Variants in RBFOX1 observed in about 807,000 individuals in gnomAD.
RBFOX1 encodes the protein RNA binding fox-1 homolog 1, also known as RNA binding protein fox-1 homolog 1.
Under a neutral mutation model 57.7 loss-of-function variants are expected in RBFOX1, and 8 were observed. The ratio of observed to expected loss-of-function variants is 0.14; its 90% confidence interval spans 0.08 to 0.25. The LOEUF is 0.25. Ranked by LOEUF, RBFOX1 falls within the 10% of genes least tolerant of loss-of-function variation. The pLI is 1.00. For synonymous variants in RBFOX1, 326 were observed against 222.4 expected (o/e 1.47, Z -4.15); for missense variants, 611 against 548.5 (o/e 1.11, Z -1.14).
intron 3 of RBFOX1, among the ~76,000 whole-genome samples, chr16:7,034,853 T>TTTTTTTTTTTTTA (rs2043911918): frequency 3.1e-5 from 2 of 65,280 alleles, no homozygotes; most frequent in African/African-American, 1.5e-4. Flanking sequence ...TTTTTCTTTT[T>TTTTTTTTTTTTTA]TTTTTTTTTT....
chr16:6,826,036 C>T (rs1308397687), intron 3 of RBFOX1, among the ~76,000 whole-genome samples: 2 of 152,162 alleles, frequency 1.3e-5, no homozygotes, highest in Admixed American at 6.6e-5. Context: ...TGGTGATGTG[C>T]AGAGGTGGTC....
intron 1 of RBFOX1, among the ~76,000 whole-genome samples, chr16:5,461,496 C>T (rs897117758): frequency 6.6e-6 from 1 of 152,178 alleles, no homozygotes; most frequent in Admixed American, 6.5e-5. Context: ...CAGCTGCAAC[C>T]AACCAGGCTC....
At chr16:6,191,666 G>A (rs1350716452) in intron 1 of RBFOX1, among the ~76,000 whole-genome samples, 1 of 152,070 alleles carries the variant, frequency 6.6e-6, no homozygotes. Flanking sequence ...GGTCCAAAAG[G>A]CAATTTCTGT....
In RBFOX1 at chr16:7,338,280, G is replaced by A. The variant is rs1055516753; in HGVS notation, c.28-179867G>A. Among the ~76,000 whole-genome samples, 6 of 151,360 alleles carry A rather than the reference G, an allele frequency of 4.0e-5. No individual in the cohort carries two copies. The East Asian group carries it at 9.8e-4, about 25-fold the overall frequency. ...CTCTCTGAGATGGTAAGCTCTCAGA[G>A]GGCTGAGATTTTTCCAGCCTAAACT... On this transcript the variant is annotated intron_variant, in intron 4 of 15. Transcript: ENST00000550418.
rs911698786 is a variant in RBFOX1, at chr16:7,383,002, A to G, written c.28-135145A>G. ...GCCAATGAGCTGTTCATTAAACTTG[A>G]CATATGGTAAGCAAGGCCAGAAAAT... On this transcript the variant is annotated intron_variant, in intron 4 of 15. Coordinates refer to ENST00000550418, the MANE Select transcript of RBFOX1 (RefSeq NM_018723.4). Among the ~76,000 whole-genome samples, 8 of 152,310 alleles carry G rather than the reference A, an allele frequency of 5.3e-5. 1 individual carries two copies.
intron 4 of RBFOX1, among the ~76,000 whole-genome samples, chr16:7,092,096 A>C (rs1785042912): frequency 6.6e-6 from 1 of 152,212 alleles, no homozygotes; most frequent in African/African-American, 2.4e-5. Flanking sequence ...TAAACTCTTA[A>C]AGATATTTAA....
chr16:6,516,875 T>G (rs997954235), intron 2 of RBFOX1, among the ~76,000 whole-genome samples: 2 of 152,174 alleles, frequency 1.3e-5, no homozygotes, highest in Non-Finnish European at 2.9e-5. Flanking sequence ...TATGGGAATG[T>G]TGCATTTGAA....
At chr16:5,305,187 A>G (rs2063903450) in intron 1 of RBFOX1, among the ~76,000 whole-genome samples, 2 of 152,148 alleles carry the variant, frequency 1.3e-5, no homozygotes, top group Non-Finnish European at 2.9e-5. Context: ...GCTGAGTACC[A>G]CATGTTTCAG....
chr16:7,651,468 G>A (rs1597332404), intron 11 of RBFOX1, among the ~76,000 whole-genome samples: 1 of 152,160 alleles, frequency 6.6e-6, no homozygotes, highest in East Asian at 1.9e-4. Flanking sequence ...CCTCCAGTGA[G>A]GCTTCTCATG....
chr16:7,548,030 ACT>A (rs1190825802), intron 5 of RBFOX1, among the ~76,000 whole-genome samples: 1 of 152,152 alleles, frequency 6.6e-6, no homozygotes, highest in Non-Finnish European at 1.5e-5. Context: ...TAAAGAGGAC[ACT>A]CTGTAAACAG....
At chr16:5,248,986 T>TAAA (rs2062375456) in intron 1 of RBFOX1, among the ~76,000 whole-genome samples, 1 of 17,154 alleles carries the variant, frequency 5.8e-5, no homozygotes, top group Non-Finnish European at 9.0e-5. Flanking sequence ...AGACTCCATC[T>TAAA]CAAAAAAAAA....
At chr16:7,471,607 G>A (rs1249472086) in intron 4 of RBFOX1, among the ~76,000 whole-genome samples, 1 of 152,130 alleles carries the variant, frequency 6.6e-6, no homozygotes, top group African/African-American at 2.4e-5. Flanking sequence ...TTCTGAGACG[G>A]GGGTGGAGAT....
intron 2 of RBFOX1, among the ~76,000 whole-genome samples, chr16:6,649,563 T>C (rs968477843): frequency 1.3e-5 from 2 of 152,212 alleles, no homozygotes; most frequent in African/African-American, 4.8e-5. Context: ...ACCATTCTTA[T>C]GCCTTTGCTT....
chr16:6,589,292 G>A (rs2097676439), intron 2 of RBFOX1, among the ~76,000 whole-genome samples: 1 of 152,194 alleles, frequency 6.6e-6, no homozygotes, highest in Non-Finnish European at 1.5e-5. Flanking sequence ...AATTGCAATA[G>A]AAAATATGTG....
intron 5 of RBFOX1, among the ~76,000 whole-genome samples, chr16:7,536,812 A>G (rs187566882): frequency 9.1e-4 from 138 of 152,290 alleles, no homozygotes; most frequent in Admixed American, 4.1e-3. Flanking sequence ...TATTTACACT[A>G]TGGGCATTGG....
chr16:7,690,788 G>A (rs1174560781), intron 14 of RBFOX1, among the ~76,000 whole-genome samples: 1 of 152,064 alleles, frequency 6.6e-6, no homozygotes, highest in East Asian at 1.9e-4. Flanking sequence ...CCATTTATGG[G>A]CCCTCTAAAT....
intron 4 of RBFOX1, among the ~76,000 whole-genome samples, chr16:7,229,285 G>T (rs915597379): frequency 6.6e-6 from 1 of 152,138 alleles, no homozygotes; most frequent in Non-Finnish European, 1.5e-5. Context: ...TTCCTCCTAA[G>T]TTGAGGAGAC....
intron 2 of RBFOX1, among the ~76,000 whole-genome samples, chr16:6,647,155 T>A (rs2098540686): frequency 6.6e-6 from 1 of 152,200 alleles, no homozygotes; most frequent in Non-Finnish European, 1.5e-5. Flanking sequence ...CATTTGGACA[T>A]TCCTGGGCTT....
intron 3 of RBFOX1, among the ~76,000 whole-genome samples, chr16:5,780,969 C>T (rs2054305027): frequency 6.6e-6 from 1 of 152,184 alleles, no homozygotes; most frequent in Non-Finnish European, 1.5e-5. Context: ...GCAGAACACC[C>T]TTGCGGGGTC....
Sources: gnomAD v4.1 joint callset for allele counts (sites outside exome capture counted in the v4.1 genomes callset) on GRCh38, gnomAD v4.1.1 for gene constraint, MANE v1.5 for transcripts, NCBI Gene and HGNC (gene_info 2026-07-23, HGNC 2026-07-21) for gene names.